The following PTPRS variants were observed in gnomAD, a reference collection of about 807,000 sequenced individuals.
PTPRS encodes receptor-type tyrosine-protein phosphatase S.
In PTPRS, 63 loss-of-function variants were observed where a neutral mutation model predicts 215.3. The observed-to-expected ratio is 0.29, with a 90% CI of 0.24 to 0.36. The LOEUF is 0.36. Ranked by LOEUF, PTPRS falls within the 10% of genes least tolerant of loss-of-function variation. The pLI is 1.00. For synonymous variants in PTPRS, 1,404 were observed against 1,191.4 expected, an observed-to-expected ratio of 1.18 and a Z score of -3.68; for missense variants, 2,258 against 2,825.8, an observed-to-expected ratio of 0.80 and a Z score of 4.56.
chr19:5,298,554 C>T (rs1049723907), intron 1 of PTPRS, among the ~76,000 whole-genome samples: 2 of 152,208 alleles, frequency 1.3e-5, no homozygotes, highest in Non-Finnish European at 2.9e-5. Flanking sequence ...TGCCCATGCC[C>T]AAGGCTCCCG....
intron 1 of PTPRS, among the ~76,000 whole-genome samples, chr19:5,312,984 G>A (rs1014567365): frequency 3.3e-5 from 5 of 152,222 alleles, no homozygotes; most frequent in South Asian, 4.1e-4. Flanking sequence ...GCACGATCTC[G>A]GCTGACTGCA....
intron 9 of PTPRS, among the ~76,000 whole-genome samples, chr19:5,250,604 C>CG (rs544972521): frequency 6.8e-3 from 109 of 16,016 alleles, no homozygotes; most frequent in African/African-American, 0.024. Flanking sequence ...ACCGAGTAGC[C>CG]GGGGGGTCCC....
chr19:5,208,124 G>T, intron 36 of PTPRS, 67 bp from the exon 37 acceptor site: 2 of 1,580,766 alleles, frequency 1.3e-6, no homozygotes, highest in Non-Finnish European at 1.7e-6. Flanking sequence ...CTGACCACCC[G>T]ATTCCCCGAG....
At chr19:5,236,659 G>C (rs2043465550) in intron 13 of PTPRS, among the ~76,000 whole-genome samples, 1 of 152,056 alleles carries the variant, frequency 6.6e-6, no homozygotes, top group South Asian at 2.1e-4. Flanking sequence ...AGAGACACTG[G>C]GCTACCAGAG....
intron 1 of PTPRS, among the ~76,000 whole-genome samples, chr19:5,327,464 A>T (rs889731960): frequency 6.6e-6 from 1 of 152,106 alleles, no homozygotes; most frequent in African/African-American, 2.4e-5. Context: ...AGCAGCTCAG[A>T]CATGATTCAA....
At chr19:5,328,590 G>A (rs1019499033) in intron 1 of PTPRS, among the ~76,000 whole-genome samples, 1 of 152,160 alleles carries the variant, frequency 6.6e-6, no homozygotes, top group Non-Finnish European at 1.5e-5. Context: ...GAGAGGGTGA[G>A]CAAGTAGCTG....
intron 24 of PTPRS, 34 bp from the exon 25 acceptor site, chr19:5,218,566 T>C: frequency 6.3e-7 from 1 of 1,597,770 alleles, no homozygotes; most frequent in Non-Finnish European, 8.6e-7. Flanking sequence ...GTCCAGTTAG[T>C]AGTGGCACAT....
In PTPRS at chr19:5,223,234, T is replaced by C; in HGVS notation, c.2558A>G (p.Glu853Gly). Residue 853 changes from glutamate (E) to glycine (G), a missense_variant, in exon 18 of 38, where the codon GAG becomes GGG. Coordinates refer to ENST00000262963, the MANE Select transcript of PTPRS (RefSeq NM_002850.4). ...GTCCTCCGCGGTGCCAGCCGGGGGC[T>C]CCCAGCGTGCCAGCAGGCTGCCCTC... ...TPEGSLLARWEPPAGTAEDQV... is the reference protein window; with the variant it reads ...TPEGSLLARWGPPAGTAEDQV... 1 of 1,490,112 alleles carries C rather than the reference T, an allele frequency of 6.7e-7. No individual in the cohort carries two copies. The allele number at this position is 1,490,112 out of a possible 1,614,324, so 92.3% of individuals were successfully genotyped here.
chr19:5,280,323 G>C (rs918489908), intron 2 of PTPRS, among the ~76,000 whole-genome samples: 5 of 152,194 alleles, frequency 3.3e-5, no homozygotes, highest in Admixed American at 1.3e-4. Context: ...AAACAAAACA[G>C]AGTTCCTGCC....
Position 5,229,629 on chromosome 19 carries a change from G to A in PTPRS, c.2211C>T (p.Ile737=). The change falls in exon 15 of 38, where the codon ATC becomes ATT. Residue 737 remains isoleucine (I), a synonymous_variant. Transcript: ENST00000262963. ...VEAEALNATA[I]RVLWRSPAPG... ...GCGCGGGCGAGCGCCACAGCACGCG[G>A]ATGGCCGTGGCGTTGAGCGCCTCCG... 2.2e-6 allele frequency: 3 copies of A among 1,379,794 alleles called. No individual in the cohort carries two copies. The highest frequency in any genetic ancestry group is 2.8e-6 in the Non-Finnish European group (3 of 1,070,494). The allele number at this position is 1,379,794 out of a possible 1,614,324, so 85.5% of individuals were successfully genotyped here. A position where few individuals can be genotyped will look rare whatever the true frequency, so the allele number is the denominator to read the frequency against.
intron 4 of PTPRS, among the ~76,000 whole-genome samples, chr19:5,267,690 G>A (rs1280452094): frequency 2.0e-5 from 3 of 149,486 alleles, no homozygotes; most frequent in African/African-American, 4.9e-5. Context: ...AAACAGCCAC[G>A]TAGGGCAGAC....
At chr19:5,211,030 T>C (rs2145012507) in intron 33 of PTPRS, among the ~76,000 whole-genome samples, 1 of 152,344 alleles carries the variant, frequency 6.6e-6, no homozygotes, top group South Asian at 2.1e-4. Flanking sequence ...TTGACAAAGC[T>C]GCGGGACTAT....
chr19:5,265,305 T>C (rs987076897), intron 4 of PTPRS, 109 bp from the exon 5 acceptor site: 1 of 1,024,928 alleles, frequency 9.8e-7, no homozygotes. Flanking sequence ...CCTCCCTGGC[T>C]GCGTGACCTC....
At chr19:5,269,403 G>A (rs1019812562) in intron 4 of PTPRS, among the ~76,000 whole-genome samples, 1 of 152,102 alleles carries the variant, frequency 6.6e-6, no homozygotes, top group Non-Finnish European at 1.5e-5. Context: ...GGAGGCGTGT[G>A]TGGGGTCCAC....
At chr19:5,269,539 G>C (rs1389394440) in intron 4 of PTPRS, among the ~76,000 whole-genome samples, 2 of 152,028 alleles carry the variant, frequency 1.3e-5, no homozygotes, top group Non-Finnish European at 2.9e-5. Flanking sequence ...GGGTGGGATC[G>C]GGTCAGGGTA....
rs771762145 is a variant in PTPRS at position 5,237,019 on chromosome 19, C to T, written c.1849+1900G>A. On this transcript the variant is annotated intron_variant, in intron 13 of 37. Transcript: ENST00000262963. This position sits in a 1 kb window ranked among gnomAD's most constrained non-coding sequence, Gnocchi z 4.2. Reference sequence around the variant, plus strand: ...AAGAAAGACTCCTTCCAGAAAACGCCCAGTCTGGTTACCTACCTTCCACTC... The same window carrying T: ...AAGAAAGACTCCTTCCAGAAAACGCTCAGTCTGGTTACCTACCTTCCACTC... Among the ~76,000 whole-genome samples the T allele has an allele frequency of 2.6e-5, 4 of 152,096 alleles. No individual in the cohort carries two copies. Among genetic ancestry groups the T allele is most frequent in the Non-Finnish European group, 5.9e-5 (4 of 68,006 alleles).
At chr19:5,329,620 C>A (rs2050260857) in intron 1 of PTPRS, among the ~76,000 whole-genome samples, 1 of 151,908 alleles carries the variant, frequency 6.6e-6, no homozygotes, top group Non-Finnish European at 1.5e-5. Context: ...AAAAAATTAG[C>A]CGGGTGTAAT....
chr19:5,304,488 A>C (rs2049412436), intron 1 of PTPRS, among the ~76,000 whole-genome samples: 1 of 151,948 alleles, frequency 6.6e-6, no homozygotes, highest in Non-Finnish European at 1.5e-5. Flanking sequence ...AAATAAAATA[A>C]AAATACAAAA....
At chr19:5,320,931 G>A (rs1370069288) in intron 1 of PTPRS, among the ~76,000 whole-genome samples, 2 of 152,020 alleles carry the variant, frequency 1.3e-5, no homozygotes, top group African/African-American at 4.8e-5. Context: ...CTAGAATCTG[G>A]TTTTGGCCAC....
Sources: allele counts gnomAD v4.1 joint callset (sites outside exome capture counted in the v4.1 genomes callset), GRCh38; gene constraint gnomAD v4.1.1; non-coding constraint Gnocchi (gnomAD v3.1); transcripts MANE v1.5; gene names NCBI Gene and HGNC (gene_info 2026-07-23, HGNC 2026-07-21).